The following DACH1 variants were observed in gnomAD, a reference collection of about 807,000 sequenced individuals.
The protein encoded by DACH1 is dachshund family transcription factor 1.
In DACH1, 12 loss-of-function variants were observed where a neutral mutation model predicts 54.2. The observed-to-expected ratio is 0.22, with a 90% CI of 0.14 to 0.36. The LOEUF (loss-of-function observed/expected upper bound fraction) is 0.36. Among genes scored for constraint, DACH1 ranks in the 10% least tolerant of loss-of-function variants. The pLI, the probability that DACH1 is intolerant of heterozygous loss-of-function variation, is 1.00. For missense variants in DACH1, 805 were observed against 929.8 expected, an observed-to-expected ratio of 0.87 and a Z score of 1.75; for synonymous variants, 386 against 366.2, an observed-to-expected ratio of 1.05 and a Z score of -0.62.
intron 3 of DACH1, among the ~76,000 whole-genome samples, chr13:71,583,544 A>C (rs959084107): frequency 3.3e-5 from 5 of 152,160 alleles, no homozygotes; most frequent in African/African-American, 1.2e-4. Context: ...CTACCTATTA[A>C]AAATAAGTAT....
At chr13:71,855,501 A>C (rs1245894313) in intron 1 of DACH1, among the ~76,000 whole-genome samples, 1 of 152,034 alleles carries the variant, frequency 6.6e-6, no homozygotes, top group Non-Finnish European at 1.5e-5. Context: ...ATTTGCATTT[A>C]TATGACATAG....
chr13:71,802,261 A>T (rs533725632), intron 1 of DACH1, among the ~76,000 whole-genome samples: 1 of 151,942 alleles, frequency 6.6e-6, no homozygotes, highest in Admixed American at 6.6e-5. Context: ...GGATCGATTT[A>T]AATTTAGCCT....
chr13:71,487,869 A>T (rs555485092), intron 7 of DACH1, among the ~76,000 whole-genome samples: 4 of 152,336 alleles, frequency 2.6e-5, no homozygotes, highest in Non-Finnish European at 4.4e-5. Context: ...ATAAACAATA[A>T]TATGGGTGAA....
At chr13:71,491,087 G>C (rs1177023736) in intron 6 of DACH1, among the ~76,000 whole-genome samples, 3 of 152,076 alleles carry the variant, frequency 2.0e-5, no homozygotes, top group Admixed American at 2.0e-4. Flanking sequence ...TTTAACTTCA[G>C]TGCATTTATG....
At chr13:71,682,425 G>A (rs569847019) in intron 1 of DACH1, among the ~76,000 whole-genome samples, 2 of 152,296 alleles carry the variant, frequency 1.3e-5, no homozygotes, top group African/African-American at 4.8e-5. Flanking sequence ...ATGAAAGAGT[G>A]ATTCAGACCT....
intron 1 of DACH1, among the ~76,000 whole-genome samples, chr13:71,842,118 C>A (rs934740092): frequency 5.9e-5 from 9 of 152,152 alleles, no homozygotes; most frequent in Non-Finnish European, 1.2e-4. Flanking sequence ...TTTCCTTGGG[C>A]AATTTATTTA....
chr13:71,793,913 G>A (rs1416303967), intron 1 of DACH1, among the ~76,000 whole-genome samples: 1 of 152,176 alleles, frequency 6.6e-6, no homozygotes, highest in Admixed American at 6.5e-5. Flanking sequence ...GTAGGAGGGC[G>A]AGCTGGAGCT....
At chr13:71,490,651 C>G (rs1593777975) in intron 6 of DACH1, among the ~76,000 whole-genome samples, 1 of 152,142 alleles carries the variant, frequency 6.6e-6, no homozygotes, top group African/African-American at 2.4e-5. Flanking sequence ...GATGGCCATG[C>G]AGGGGCAGGG....
intron 4 of DACH1, among the ~76,000 whole-genome samples, chr13:71,561,466 A>G: frequency 6.6e-6 from 1 of 152,258 alleles, no homozygotes; most frequent in Non-Finnish European, 1.5e-5. Context: ...CCATAGAGGA[A>G]GAGATTAAAC....
chr13:71,450,518 T>C (rs1299086098), intron 10 of DACH1, among the ~76,000 whole-genome samples: 1 of 152,078 alleles, frequency 6.6e-6, no homozygotes, highest in South Asian at 2.1e-4. Context: ...CACAACAATA[T>C]TGAAATTACG....
chr13:71,674,150 C>T (rs896100940), intron 2 of DACH1, among the ~76,000 whole-genome samples: 2 of 152,020 alleles, frequency 1.3e-5, no homozygotes, highest in Admixed American at 6.6e-5. Flanking sequence ...CCAGTGATAC[C>T]AAAGTGAATA....
At chr13:71,510,192 TC>T (rs1188102157) in intron 6 of DACH1, among the ~76,000 whole-genome samples, 1 of 152,046 alleles carries the variant, frequency 6.6e-6, no homozygotes, top group African/African-American at 2.4e-5. Flanking sequence ...TCTTATCTAG[TC>T]CTTTTAAGCT....
At chr13:71,662,988 A>G (rs1242713254) in intron 2 of DACH1, among the ~76,000 whole-genome samples, 3 of 152,006 alleles carry the variant, frequency 2.0e-5, no homozygotes, top group Non-Finnish European at 4.4e-5. Flanking sequence ...TATTTATGAA[A>G]GGAACATTTC....
At chr13:71,801,201 C>A (rs1328755279) in intron 1 of DACH1, among the ~76,000 whole-genome samples, 1 of 152,092 alleles carries the variant, frequency 6.6e-6, no homozygotes, top group Non-Finnish European at 1.5e-5. Flanking sequence ...TGCTCAATAG[C>A]TGAAAGTCTT....
At chr13:71,658,967 T>G (rs1051603329) in intron 2 of DACH1, among the ~76,000 whole-genome samples, 3 of 152,202 alleles carry the variant, frequency 2.0e-5, no homozygotes, top group Non-Finnish European at 4.4e-5. Context: ...ATTAGCCCAA[T>G]TTTTAAGTTA....
At chr13:71,444,031 G>T (rs1222937788) in intron 10 of DACH1, among the ~76,000 whole-genome samples, 1 of 151,998 alleles carries the variant, frequency 6.6e-6, no homozygotes, top group Non-Finnish European at 1.5e-5. Context: ...CATTATATGA[G>T]TAATATATAA....
intron 1 of DACH1, among the ~76,000 whole-genome samples, chr13:71,712,403 A>G (rs535333039): frequency 4.1e-4 from 62 of 152,250 alleles, no homozygotes; most frequent in African/African-American, 1.4e-3. Context: ...TAATATTTTT[A>G]AAATAAGAAT....
At chr13:71,784,706 G>A (rs148504915) in intron 1 of DACH1, among the ~76,000 whole-genome samples, 1 of 152,156 alleles carries the variant, frequency 6.6e-6, no homozygotes, top group Non-Finnish European at 1.5e-5. Flanking sequence ...GCCAAGAAAA[G>A]TTTTGTCATT....
At position 71,785,820 on chromosome 13, in the gene DACH1, T is replaced by C. The variant is rs73525477; in HGVS notation, c.848+80102A>G. ...ACATGTTTTTCTCTCTTGCTCCCTC[T>C]TCAACTAACCAATCCCATGCTACTT... On this transcript the variant is annotated intron_variant, in intron 1 of 10. Coordinates refer to ENST00000613252, the MANE Select transcript of DACH1 (RefSeq NM_080759.6). 6.7e-3 allele frequency among the ~76,000 whole-genome samples: 1,014 copies of C among 152,344 alleles called. 3 individuals are homozygous for C. Among genetic ancestry groups the C allele is most frequent in the African/African-American group, 0.023 (965 of 41,568 alleles).
Sources: gnomAD v4.1 joint callset for allele counts (sites outside exome capture counted in the v4.1 genomes callset) on GRCh38, gnomAD v4.1.1 for gene constraint, MANE v1.5 for transcripts, NCBI Gene and HGNC (gene_info 2026-07-23, HGNC 2026-07-21) for gene names.